The following LMTK3 variants were observed in gnomAD, a reference collection of about 807,000 sequenced individuals.
LMTK3 encodes the protein lemur tail kinase 3.
In LMTK3, 27 loss-of-function variants were observed where a neutral mutation model predicts 116.7. The ratio of observed to expected loss-of-function variants is 0.23; its 90% CI spans 0.17 to 0.32. The LOEUF (loss-of-function observed/expected upper bound fraction) is 0.32. Ranked by LOEUF, LMTK3 falls within the 10% of genes least tolerant of loss-of-function variation. The pLI, the probability that LMTK3 is intolerant of heterozygous loss-of-function variation, is 1.00. For synonymous variants in LMTK3, 965 were observed against 971.0 expected, an observed-to-expected ratio of 0.99 and a Z score of 0.11; for missense variants, 1,764 against 2,068.5, an observed-to-expected ratio of 0.85 and a Z score of 2.86.
Position 48,499,200 on chromosome 19 carries a change from TC to T in LMTK3, c.1868del (p.Gly623GlufsTer67). ...GCTCCCCCAAGACCTCGGCAGGGTC[TC>T]CCGCCAGGGTCTCCCCGGCGCCCCG... ...EGRGAGETLA[G>X]DPAEVLGERG... On this transcript the variant is annotated frameshift_variant, in exon 11 of 15. Coordinates refer to ENST00000600059, the MANE Select transcript of LMTK3 (RefSeq NM_001388485.1). LOFTEE classifies it high-confidence loss of function. 6.9e-7 allele frequency: 1 copy of T among 1,439,136 alleles called. No homozygotes were observed. The allele number at this position is 1,439,136 out of a possible 1,614,324, so 89.1% of individuals were successfully genotyped here.
chr19:48,497,800 C>T lies in LMTK3; in HGVS notation c.3269G>A (p.Arg1090Lys), dbSNP rs1413182670. The T allele has an allele frequency of 7.2e-7, 1 of 1,384,506 alleles. No individual in the cohort carries two copies. Among genetic ancestry groups the T allele is most frequent in the Non-Finnish European group, 9.3e-7 (1 of 1,075,296 alleles). The allele number at this position is 1,384,506 out of a possible 1,614,324, so 85.8% of individuals were successfully genotyped here. Reference sequence around the variant, plus strand: ...CGCCCCCCCAGTCTCGGGGGCTCTCCTCTCGGTCCCGGGTTCCAGCGTCCC... The same window carrying T: ...CGCCCCCCCAGTCTCGGGGGCTCTCTTCTCGGTCCCGGGTTCCAGCGTCCC... ...KNGTLEPGTE[R>K]RAPETGGAPR... The change falls in exon 11 of 15, where the codon AGG (arginine) becomes AAG (lysine). Residue 1090 changes from arginine to lysine, a missense_variant. Transcript: ENST00000600059. The surrounding 1 kb of genome is among the most constrained non-coding windows in gnomAD (Gnocchi z 5.7).
intron 2 of LMTK3, 76 bp from the exon 3 acceptor site, chr19:48,510,249 G>T: frequency 1.3e-6 from 2 of 1,523,812 alleles, no homozygotes. Flanking sequence ...TCTTAAGTTT[G>T]TCTCCCCTTC....
chr19:48,499,389 C>T lies in LMTK3; in HGVS notation c.1680G>A (p.Leu560=). ...EPLFPNDWDP[L]DPGVPAPQAP... Reference sequence around the variant, plus strand: ...CCTGAGGGGCGGGCACTCCTGGGTCCAGGGGGTCCCAGTCGTTGGGGAAGA... The same window carrying T: ...CCTGAGGGGCGGGCACTCCTGGGTCTAGGGGGTCCCAGTCGTTGGGGAAGA... Residue 560 remains leucine, a synonymous_variant, in exon 11 of 15, where the codon CTG becomes CTA. Coordinates refer to ENST00000600059, the MANE Select transcript of LMTK3 (RefSeq NM_001388485.1). 2 of 1,446,378 alleles carry T rather than the reference C, an allele frequency of 1.4e-6. No individual in the cohort carries two copies. The highest frequency in any genetic ancestry group is 1.8e-6 in the Non-Finnish European group (2 of 1,098,630). 89.6% of individuals were successfully genotyped at this position (1,446,378 alleles called of 1,614,324 possible). A position where few individuals can be genotyped will look rare whatever the true frequency, so the allele number is the denominator to read the frequency against.
chr19:48,491,487 T>C lies in LMTK3; in HGVS notation c.4145A>G (p.Asp1382Gly). ...CGGGGGCGCTGGAGGCGTTGACGGG[T>C]CCGTGTCCCCCTCGGGGGGGGCCTG... is the stretch of plus-strand genomic sequence containing the variant. ...SVQAPPEGDTDPSTPPAPPTP... is the reference protein window; with the variant it reads ...SVQAPPEGDTGPSTPPAPPTP... Residue 1382 changes from aspartate to glycine, a missense_variant, in exon 13 of 15, where the codon GAC (aspartate) becomes GGC (glycine). By Grantham distance (94) the Asp-to-Gly change is moderately conservative (BLOSUM62 -1). Around this residue, in one of 7 missense-constraint regions of LMTK3, gnomAD observed 281 missense variants for 301.4 expected, o/e 0.93. Coordinates refer to ENST00000600059, the MANE Select transcript of LMTK3 (RefSeq NM_001388485.1). The surrounding 1 kb of genome is among the most constrained non-coding windows in gnomAD (Gnocchi z 5.1). The C allele has an allele frequency of 7.1e-7, 1 of 1,405,920 alleles. No individual in the cohort carries two copies. The highest frequency in any genetic ancestry group is 9.3e-7 in the Non-Finnish European group (1 of 1,078,458). The allele number at this position is 1,405,920 out of a possible 1,614,324, so 87.1% of individuals were successfully genotyped here.
At chr19:48,504,319 G>A (rs1412701711) in intron 5 of LMTK3, among the ~76,000 whole-genome samples, 4 of 152,122 alleles carry the variant, frequency 2.6e-5, no homozygotes, top group Admixed American at 2.0e-4. Flanking sequence ...TCACGCTGTG[G>A]GAAAGAGTCA....
intron 5 of LMTK3, among the ~76,000 whole-genome samples, chr19:48,506,851 A>C (rs955818879): frequency 6.6e-6 from 1 of 152,112 alleles, no homozygotes; most frequent in African/African-American, 2.4e-5. Flanking sequence ...TTTTTAGTAG[A>C]GATGGGGTTT....
chr19:48,491,267 C>G lies in LMTK3; in HGVS notation c.4229-22G>C. 2 of 1,387,746 alleles carry G rather than the reference C, an allele frequency of 1.4e-6. No homozygotes were observed. Among genetic ancestry groups the G allele is most frequent in the Non-Finnish European group, 1.9e-6 (2 of 1,068,286 alleles). 86.0% of individuals were successfully genotyped at this position (1,387,746 alleles called of 1,614,324 possible). On this transcript the variant is annotated intron_variant, in intron 13 of 14. Transcript: ENST00000600059. The surrounding 1 kb of genome is among the most constrained non-coding windows in gnomAD (Gnocchi z 5.1). ...CCTCCTGCGGCAGAAGGAAAGACCG[C>G]GGTCAGGCTGCAGACACCTGCGGCA...
chr19:48,502,380 C>A, intron 7 of LMTK3, 53 bp downstream of exon 7: 1 of 1,583,152 alleles, frequency 6.3e-7, no homozygotes, highest in Non-Finnish European at 8.6e-7. Context: ...GAGGCCTCAC[C>A]TCCTTCCCCC....
At position 48,498,637 on chromosome 19, in the gene LMTK3, C is replaced by G. The variant is rs1338636512; in HGVS notation, c.2432G>C (p.Gly811Ala). 4 of 1,541,882 alleles carry G rather than the reference C, an allele frequency of 2.6e-6. No individual in the cohort carries two copies. The highest frequency in any genetic ancestry group is 3.5e-6 in the Non-Finnish European group (4 of 1,144,076). ...AGGGACCCCTTCCTCCTCGGCCGCC[C>G]CCCCACCTGGGAAGGCTCCCTCTGG... ...FSPEGAFPGG[G>A]AAEEEGVPRP... Residue 811 changes from glycine to alanine, a missense_variant, in exon 11 of 15, where the codon GGG (glycine) becomes GCG (alanine). This residue lies in a region of LMTK3 where 1,028 missense variants were observed against 1,050.6 expected (regional missense o/e 0.98). Coordinates refer to ENST00000600059, the MANE Select transcript of LMTK3 (RefSeq NM_001388485.1).
chr19:48,509,615 C>T, intron 3 of LMTK3, 102 bp from the exon 4 acceptor site: 1 of 977,670 alleles, frequency 1.0e-6, no homozygotes, highest in Non-Finnish European at 1.5e-6. Flanking sequence ...AGACATCACT[C>T]TCTTTTCATT....
intron 12 of LMTK3, among the ~76,000 whole-genome samples, chr19:48,493,458 CCCGCATCACT>C (rs1391105783): frequency 1.1e-4 from 17 of 149,370 alleles, no homozygotes; most frequent in Non-Finnish European, 2.4e-4. Flanking sequence ...CCCTCCAGGC[CCCGCATCACT>C]CCAGCTCGGC....
chr19:48,496,489 G>T (rs758959248), intron 11 of LMTK3, among the ~76,000 whole-genome samples: 52 of 152,128 alleles, frequency 3.4e-4, no homozygotes, highest in Non-Finnish European at 4.0e-4. Context: ...AATAGAGACA[G>T]GGTTTTGCCA....
At position 48,497,486 on chromosome 19, in the gene LMTK3, C is replaced by A; in HGVS notation, c.3583G>T (p.Gly1195Trp). The A allele has an allele frequency of 6.7e-7, 1 of 1,487,080 alleles. No homozygotes were observed. The highest frequency in any genetic ancestry group is 1.4e-5 in the South Asian group (1 of 72,018). 92.1% of individuals were successfully genotyped at this position (1,487,080 alleles called of 1,614,324 possible). Reference sequence around the variant, plus strand: ...TTCCTCTCGGGCTTGGGGGGGTCCCCGTCTCCGCTGAGTGCCGTGTCTCCG... The same window carrying A: ...TTCCTCTCGGGCTTGGGGGGGTCCCAGTCTCCGCTGAGTGCCGTGTCTCCG... Reference protein sequence around the residue: ...AGGDTALSGDGDPPKPERKGP... With the variant: ...AGGDTALSGDWDPPKPERKGP... The change falls in exon 11 of 15, where the codon GGG becomes TGG. Residue 1195 changes from glycine (G) to tryptophan (W), a missense_variant. By Grantham distance (184) the Gly-to-Trp change is radical. This residue lies in a region of LMTK3 where 1,028 missense variants were observed against 1,050.6 expected (regional missense o/e 0.98). Transcript: ENST00000600059. The surrounding 1 kb of genome is among the most constrained non-coding windows in gnomAD (Gnocchi z 5.7).
intron 12 of LMTK3, among the ~76,000 whole-genome samples, chr19:48,492,453 C>T (rs756118608): frequency 6.6e-6 from 1 of 152,196 alleles, no homozygotes. Flanking sequence ...TCCCAAAGTG[C>T]TGGGATTACA....
chr19:48,503,323 C>T (rs1380539587), intron 5 of LMTK3, among the ~76,000 whole-genome samples: 1 of 152,124 alleles, frequency 6.6e-6, no homozygotes, highest in Non-Finnish European at 1.5e-5. Flanking sequence ...GCTGGGATTA[C>T]AGGCGTGAAC....
chr19:48,510,983 T>A (rs1288996605), intron 1 of LMTK3, among the ~76,000 whole-genome samples: 1 of 152,196 alleles, frequency 6.6e-6, no homozygotes, highest in Non-Finnish European at 1.5e-5. Flanking sequence ...GGACTAGCTC[T>A]CAGCTGCAGG....
At position 48,499,853 on chromosome 19, in the gene LMTK3, A is replaced by T; in HGVS notation, c.1216T>A (p.Leu406Met). ...TCGGAGAGCAAGTAGGTGAGCTGCAATTGGAGATCAGAGGCTGAAGGGCGC... is the reference window on the plus strand; with the variant it reads ...TCGGAGAGCAAGTAGGTGAGCTGCATTTGGAGATCAGAGGCTGAAGGGCGC... ...AQRPSASDLQ[L>M]QLTYLLSERP... Residue 406 changes from leucine to methionine, a missense_variant, in exon 11 of 15, where the codon TTG becomes ATG. This residue lies in a region of LMTK3 where 271 missense variants were observed against 478.2 expected (regional missense o/e 0.57). Transcript: ENST00000600059. 1 of 1,593,620 alleles carries T rather than the reference A, an allele frequency of 6.3e-7. No individual in the cohort carries two copies. Among genetic ancestry groups the T allele is most frequent in the Non-Finnish European group, 8.5e-7 (1 of 1,171,946 alleles).
chr19:48,486,205 G>A (rs931852240), intron 14 of LMTK3, among the ~76,000 whole-genome samples: 14 of 148,560 alleles, frequency 9.4e-5, no homozygotes, highest in South Asian at 4.3e-4. Context: ...GACTACAGGC[G>A]CCCGCCACTA....
At chr19:48,503,992 C>T (rs931066994) in intron 5 of LMTK3, among the ~76,000 whole-genome samples, 2 of 151,844 alleles carry the variant, frequency 1.3e-5, no homozygotes, top group African/African-American at 2.4e-5. Flanking sequence ...CTCAGCCTCC[C>T]GAGTAGCTGG....
Sources: gnomAD v4.1 joint callset for allele counts (sites outside exome capture counted in the v4.1 genomes callset) on GRCh38, gnomAD v4.1.1 for gene constraint, gnomAD v4.1.1 regional missense constraint, Gnocchi (gnomAD v3.1) non-coding constraint, MANE v1.5 for transcripts, NCBI Gene and HGNC (gene_info 2026-07-23, HGNC 2026-07-21) for gene names.